Variants in ROBO2 observed in about 807,000 individuals in gnomAD.
ROBO2 encodes the protein roundabout homolog 2.
ROBO2 carries 53 observed loss-of-function variants against 160.8 expected under a neutral mutation model. The observed-to-expected ratio is 0.33, with a 90% CI of 0.26 to 0.41. The LOEUF (loss-of-function observed/expected upper bound fraction) is 0.41. Ranked by LOEUF, ROBO2 falls within the 10% of genes least tolerant of loss-of-function variation. The pLI is 1.00. For synonymous variants in ROBO2, 664 were observed against 611.7 expected (o/e 1.09, Z -1.26); for missense variants, 1,577 against 1,722.4 (o/e 0.92, Z 1.49).
At chr3:77,117,132 T>G (rs891300892) in intron 2 of ROBO2, among the ~76,000 whole-genome samples, 1 of 152,214 alleles carries the variant, frequency 6.6e-6, no homozygotes, top group Non-Finnish European at 1.5e-5. Flanking sequence ...ACTGTAAATA[T>G]GCTTTGTTGA....
chr3:76,386,076 C>CA (rs1412903738), intron 2 of ROBO2, among the ~76,000 whole-genome samples: 7 of 151,834 alleles, frequency 4.6e-5, no homozygotes, highest in African/African-American at 1.7e-4. Context: ...ATTGAAATAC[C>CA]AATTTTTAAA....
chr3:76,164,949 C>T (rs562158960), intron 2 of ROBO2, among the ~76,000 whole-genome samples: 1 of 152,312 alleles, frequency 6.6e-6, no homozygotes, highest in South Asian at 2.1e-4. Context: ...GCCATGGACC[C>T]AGCCTCCTGG....
At chr3:76,830,275 T>C (rs1417611149) in intron 2 of ROBO2, among the ~76,000 whole-genome samples, 1 of 152,138 alleles carries the variant, frequency 6.6e-6, no homozygotes, top group African/African-American at 2.4e-5. Context: ...TCTCCCTCAT[T>C]CCACAACTGG....
chr3:76,313,990 C>G, intron 2 of ROBO2, among the ~76,000 whole-genome samples: 1 of 152,150 alleles, frequency 6.6e-6, no homozygotes, highest in East Asian at 1.9e-4. Flanking sequence ...CAGCACCAAA[C>G]GGATGACGGG....
At chr3:76,657,678 ACATATATGTGTGTATATATATT>A (rs1560319347) in intron 2 of ROBO2, among the ~76,000 whole-genome samples, 6 of 43,504 alleles carry the variant, frequency 1.4e-4, no homozygotes, top group Admixed American at 2.1e-4. Flanking sequence ...GTATATATAT[ACATATATGTGTGTATATATATT>A]CATATATGTG....
chr3:76,572,385 T>C (rs554303494), intron 2 of ROBO2, among the ~76,000 whole-genome samples: 2 of 152,226 alleles, frequency 1.3e-5, no homozygotes, highest in African/African-American at 4.8e-5. Flanking sequence ...TTTTTGTTTT[T>C]GTCTTTGTTT....
intron 2 of ROBO2, among the ~76,000 whole-genome samples, chr3:75,962,795 T>A (rs186563846): frequency 6.6e-6 from 1 of 152,020 alleles, no homozygotes; most frequent in East Asian, 2.0e-4. Context: ...ACGTGTGCTT[T>A]TATTTAAGCT....
At chr3:77,049,899 A>G (rs933076224) in intron 1 of ROBO2, among the ~76,000 whole-genome samples, 2 of 152,220 alleles carry the variant, frequency 1.3e-5, no homozygotes, top group African/African-American at 4.8e-5. Context: ...ACCAATTAAA[A>G]TGTTCATAAG....
chr3:75,948,810 A>G (rs561433787), intron 2 of ROBO2, among the ~76,000 whole-genome samples: 1,841 of 152,288 alleles, frequency 0.012, 27 homozygotes, highest in African/African-American at 0.04. Flanking sequence ...TTTTCATTAT[A>G]CTACTTAGCT....
intron 5 of ROBO2, among the ~76,000 whole-genome samples, chr3:77,505,118 T>C (rs1183808193): frequency 2.0e-5 from 3 of 152,206 alleles, no homozygotes; most frequent in African/African-American, 7.2e-5. Context: ...GAATACACCA[T>C]AAAATGGGGA....
chr3:76,522,992 TAA>T (rs1424251499), intron 2 of ROBO2, among the ~76,000 whole-genome samples: 7 of 148,176 alleles, frequency 4.7e-5, no homozygotes, highest in Non-Finnish European at 8.9e-5. Context: ...GTTTTATATA[TAA>T]CTTTATACAT....
intron 2 of ROBO2, among the ~76,000 whole-genome samples, chr3:76,992,451 A>G (rs2060736060): frequency 6.6e-6 from 1 of 150,688 alleles, no homozygotes; most frequent in South Asian, 2.1e-4. Context: ...AGTTACCATT[A>G]CTGAAATACA....
At position 76,272,880 on chromosome 3, in the gene ROBO2, A is replaced by AT. The variant is rs1163884791; in HGVS notation, c.109+335281dup. Among the ~76,000 whole-genome samples the AT allele has an allele frequency of 2.1e-4, 4 of 18,640 alleles. 1 individual carries two copies. The highest frequency in any genetic ancestry group is 6.4e-4 in the African/African-American group (4 of 6,298). 12.2% of individuals were successfully genotyped at this position (18,640 alleles called of 152,430 possible). ...AAAATATATAAAATATATAATATAT[A>AT]TTTATATATAAAAATATAATATATA... On this transcript the variant is annotated intron_variant, in intron 2 of 26. Transcript: ENST00000487694.
At chr3:76,964,858 G>C (rs6793794) in intron 2 of ROBO2, among the ~76,000 whole-genome samples, 12,205 of 152,162 alleles carry the variant, frequency 0.08, 1,645 homozygotes, top group African/African-American at 0.28. Flanking sequence ...ACTACTTTTA[G>C]TAATTCATAG....
At chr3:76,108,380 A>T (rs148453742) in intron 2 of ROBO2, among the ~76,000 whole-genome samples, 2 of 152,200 alleles carry the variant, frequency 1.3e-5, no homozygotes, top group African/African-American at 4.8e-5. Flanking sequence ...TACATTGAAT[A>T]TCATCACTGT....
chr3:77,219,347 T>A (rs1452425332), intron 2 of ROBO2, among the ~76,000 whole-genome samples: 1 of 150,846 alleles, frequency 6.6e-6, no homozygotes, highest in African/African-American at 2.4e-5. Flanking sequence ...CTTTTGCAAT[T>A]TGGTTAAATG....
intron 2 of ROBO2, among the ~76,000 whole-genome samples, chr3:77,463,326 A>T (rs2082428989): frequency 6.6e-6 from 1 of 152,184 alleles, no homozygotes; most frequent in South Asian, 2.1e-4. Flanking sequence ...AAAATGAACT[A>T]GGTAAAACTC....
At chr3:76,191,994 T>C (rs566685433) in intron 2 of ROBO2, among the ~76,000 whole-genome samples, 6 of 152,144 alleles carry the variant, frequency 3.9e-5, no homozygotes, top group Non-Finnish European at 8.8e-5. Context: ...TCAGGCCTAT[T>C]ATTGGACTAT....
intron 2 of ROBO2, among the ~76,000 whole-genome samples, chr3:76,822,063 CA>C (rs922009499): frequency 2.0e-4 from 30 of 150,080 alleles, no homozygotes; most frequent in African/African-American, 6.4e-4. Flanking sequence ...AGATAAATAC[CA>C]AAAAAAAATT....
Sources: gnomAD v4.1 joint callset for allele counts (sites outside exome capture counted in the v4.1 genomes callset) on GRCh38, gnomAD v4.1.1 for gene constraint, MANE v1.5 for transcripts, NCBI Gene and HGNC (gene_info 2026-07-23, HGNC 2026-07-21) for gene names.